Variants in PRKCA observed in about 807,000 individuals in gnomAD.
PRKCA encodes the protein protein kinase C alpha type.
In PRKCA, 27 loss-of-function variants were observed where a neutral mutation model predicts 87.0. That is an observed-to-expected ratio of 0.31 (90% CI 0.23 to 0.43). The LOEUF (loss-of-function observed/expected upper bound fraction) is 0.43. PRKCA is among the 20% of genes least tolerant of loss of function. PRKCA has a pLI of 1.00. For synonymous variants in PRKCA, 329 were observed against 311.1 expected (o/e 1.06, Z -0.61); for missense variants, 518 against 852.3 (o/e 0.61, Z 4.88).
chr17:66,515,372 G>T lies in PRKCA; in HGVS notation c.288+19089G>T, dbSNP rs888104517. ...GGATTGCCTTACCATGTGTGCACAC[G>T]TGTGTGTAAGTCTTTTCAATGCTCC... is the stretch of plus-strand genomic sequence containing the variant. On this transcript the variant is annotated intron_variant, in intron 3 of 16. Transcript: ENST00000413366. Among the ~76,000 whole-genome samples the T allele has an allele frequency of 4.6e-5, 7 of 152,036 alleles. No individual in the cohort carries two copies. The East Asian group carries it at 1.4e-3, about 29-fold the overall frequency.
chr17:66,706,478 A>C (rs1412941162), intron 8 of PRKCA, among the ~76,000 whole-genome samples: 1 of 103,704 alleles, frequency 9.6e-6, no homozygotes, highest in Non-Finnish European at 2.0e-5. Flanking sequence ...TACTAAAAAT[A>C]CAAAAAAAAA....
chr17:66,625,817 T>G (rs1232800043), intron 3 of PRKCA, among the ~76,000 whole-genome samples: 1 of 152,196 alleles, frequency 6.6e-6, no homozygotes, highest in East Asian at 1.9e-4. Flanking sequence ...GAGGTCCCGA[T>G]TTTACCACTT....
intron 5 of PRKCA, among the ~76,000 whole-genome samples, chr17:66,647,288 A>C (rs1268401897): frequency 6.6e-6 from 1 of 152,224 alleles, no homozygotes; most frequent in African/African-American, 2.4e-5. Context: ...CATAAAGTAG[A>C]ATGCCTATGG....
At chr17:66,374,024 C>T (rs916873165) in intron 2 of PRKCA, among the ~76,000 whole-genome samples, 10 of 152,152 alleles carry the variant, frequency 6.6e-5, no homozygotes, top group Non-Finnish European at 1.3e-4. Context: ...CACCTGGGTG[C>T]ATGTCCTGGA....
intron 5 of PRKCA, among the ~76,000 whole-genome samples, chr17:66,664,926 C>T (rs1972006275): frequency 6.6e-6 from 1 of 152,052 alleles, no homozygotes. Flanking sequence ...AGGTGTGAGC[C>T]ACTGTGCCCG....
At chr17:66,776,374 G>A (rs1363287407) in intron 14 of PRKCA, among the ~76,000 whole-genome samples, 2 of 152,040 alleles carry the variant, frequency 1.3e-5, no homozygotes, top group African/African-American at 2.4e-5. Context: ...TCGGTGGCGC[G>A]ATCTCAGCTC....
At chr17:66,433,115 A>G (rs1395489142) in intron 2 of PRKCA, among the ~76,000 whole-genome samples, 2 of 152,178 alleles carry the variant, frequency 1.3e-5, no homozygotes, top group African/African-American at 2.4e-5. Context: ...TAGTTTGGAT[A>G]TACCCTCACT....
intron 3 of PRKCA, among the ~76,000 whole-genome samples, chr17:66,623,341 T>C (rs1970747464): frequency 6.6e-6 from 1 of 152,222 alleles, no homozygotes; most frequent in Non-Finnish European, 1.5e-5. Flanking sequence ...GCAATAGATT[T>C]GTTTAGAGAC....
At chr17:66,507,437 T>G (rs958331657) in intron 3 of PRKCA, among the ~76,000 whole-genome samples, 4 of 152,224 alleles carry the variant, frequency 2.6e-5, no homozygotes, top group African/African-American at 9.6e-5. Flanking sequence ...TTTCTGTCAG[T>G]GAAGGTTCCA....
intron 3 of PRKCA, among the ~76,000 whole-genome samples, chr17:66,509,067 A>T (rs1917101815): frequency 6.6e-6 from 1 of 152,056 alleles, no homozygotes. Flanking sequence ...CACACTTAAT[A>T]GGCTTCCCCT....
chr17:66,738,894 A>G (rs762324651), intron 11 of PRKCA, 39 bp downstream of exon 11: 4 of 1,505,078 alleles, frequency 2.7e-6, no homozygotes, highest in Non-Finnish European at 3.7e-6. Context: ...TTGAACAACC[A>G]AGTCCTACCA....
chr17:66,690,019 C>A (rs2144042287), intron 8 of PRKCA, among the ~76,000 whole-genome samples: 1 of 152,092 alleles, frequency 6.6e-6, no homozygotes, highest in South Asian at 2.1e-4. Context: ...TCTTTTCCTT[C>A]TTCTGTTGTT....
At chr17:66,649,590 C>T (rs536693997) in intron 5 of PRKCA, among the ~76,000 whole-genome samples, 1 of 152,346 alleles carries the variant, frequency 6.6e-6, no homozygotes, top group East Asian at 1.9e-4. Context: ...GGCTTCCACA[C>T]TCTTGCTTTC....
intron 2 of PRKCA, among the ~76,000 whole-genome samples, chr17:66,488,196 G>A (rs1916069213): frequency 6.6e-6 from 1 of 152,126 alleles, no homozygotes; most frequent in Non-Finnish European, 1.5e-5. Context: ...TTAGTATTTA[G>A]AATTCTTTCT....
intron 2 of PRKCA, among the ~76,000 whole-genome samples, chr17:66,407,145 C>CT (rs371427420): frequency 2.2e-4 from 33 of 147,350 alleles, no homozygotes; most frequent in African/African-American, 4.0e-4. Flanking sequence ...TTTAGCCAAC[C>CT]TTTTTTTTTT....
intron 3 of PRKCA, among the ~76,000 whole-genome samples, chr17:66,602,824 G>A (rs1970089000): frequency 6.6e-6 from 1 of 152,190 alleles, no homozygotes; most frequent in Non-Finnish European, 1.5e-5. Flanking sequence ...TGCACTGGGA[G>A]GAGTGTGCGC....
chr17:66,491,522 G>A (rs1916246229), intron 2 of PRKCA, among the ~76,000 whole-genome samples: 1 of 152,154 alleles, frequency 6.6e-6, no homozygotes, highest in Non-Finnish European at 1.5e-5. Flanking sequence ...TTTGTTGAAG[G>A]TTTGCTATGT....
chr17:66,490,769 C>T (rs886530909), intron 2 of PRKCA, among the ~76,000 whole-genome samples: 1 of 152,034 alleles, frequency 6.6e-6, no homozygotes, highest in Non-Finnish European at 1.5e-5. Flanking sequence ...TTAGTAGAGA[C>T]GTGGTTTTGC....
At chr17:66,340,055 A>G (rs1384295533) in intron 2 of PRKCA, 1 of 152,232 alleles carries the variant, frequency 6.6e-6, no homozygotes, top group Non-Finnish European at 1.5e-5. Flanking sequence ...TAGGCTTAAC[A>G]GTAAGGACCA....
Sources: allele counts gnomAD v4.1 joint callset (sites outside exome capture counted in the v4.1 genomes callset), GRCh38; gene constraint gnomAD v4.1.1; transcripts MANE v1.5; gene names NCBI Gene and HGNC (gene_info 2026-07-23, HGNC 2026-07-21).